The following RBM34 variants were observed in gnomAD, a reference collection of about 807,000 sequenced individuals.
RBM34 encodes the protein RNA binding motif protein 34, also known as RNA-binding protein 34.
RBM34 carries 39 observed loss-of-function variants against 44.6 expected under a neutral mutation model. The observed-to-expected ratio is 0.87, with a 90% CI of 0.68 to 1.14. RBM34 has a LOEUF of 1.14. Ranked by LOEUF, RBM34 falls within the 50% of genes most tolerant of loss-of-function variation. RBM34 has a pLI of 0.00. For synonymous variants in RBM34, 194 were observed against 184.0 expected (o/e 1.05, Z -0.44); for missense variants, 572 against 517.9 (o/e 1.10, Z -1.01).
chr1:235,136,312 G>A (rs1440384714), intron 8 of RBM34, among the ~76,000 whole-genome samples: 1 of 152,172 alleles, frequency 6.6e-6, no homozygotes, highest in Non-Finnish European at 1.5e-5. Flanking sequence ...TAGGGATCAG[G>A]AACGGACTGC....
At chr1:235,154,006 G>A (rs960577043) in intron 4 of RBM34, among the ~76,000 whole-genome samples, 3 of 152,136 alleles carry the variant, frequency 2.0e-5, no homozygotes, top group East Asian at 1.9e-4. Context: ...CAGCACTTTG[G>A]GAGGCCGAGG....
chr1:235,155,842 T>C (rs28816118), intron 3 of RBM34, among the ~76,000 whole-genome samples: 7 of 26,292 alleles, frequency 2.7e-4, no homozygotes, highest in Admixed American at 5.1e-4. Flanking sequence ...TATATATATA[T>C]ATATATATAT....
In RBM34 at chr1:235,134,176, C is replaced by T. The variant is rs374425232; in HGVS notation, c.1008+1476G>A. On this transcript the variant is annotated intron_variant, in intron 10 of 10. Coordinates refer to ENST00000408888, the MANE Select transcript of RBM34 (RefSeq NM_015014.4). The stretch of plus-strand genomic sequence containing the variant: ...TAAATGGTACTACAGGCATGCACCA[C>T]CACGCCCAGCTGATTTTTGTATTTT... 1.5e-3 allele frequency among the ~76,000 whole-genome samples: 224 copies of T among 152,314 alleles called. 1 individual carries two copies. Among genetic ancestry groups the T allele is most frequent in the African/African-American group, 5.2e-3 (218 of 41,570 alleles).
chr1:235,152,195 G>C (rs1414458905), intron 5 of RBM34, among the ~76,000 whole-genome samples: 1 of 151,428 alleles, frequency 6.6e-6, no homozygotes, highest in Non-Finnish European at 1.5e-5. Flanking sequence ...CTTATTTCCT[G>C]CTCCAAAGAA....
intron 10 of RBM34, among the ~76,000 whole-genome samples, chr1:235,132,542 T>A (rs1661252236): frequency 6.6e-6 from 1 of 152,128 alleles, no homozygotes; most frequent in Non-Finnish European, 1.5e-5. Flanking sequence ...CTCTTGACCT[T>A]GTAATCTGCC....
Position 235,160,561 on chromosome 1 carries a change from T to A in RBM34, c.315A>T (p.Lys105Asn). Residue 105 changes from lysine to asparagine, a missense_variant, in exon 3 of 11, where the codon AAA becomes AAT. Coordinates refer to ENST00000408888, the MANE Select transcript of RBM34 (RefSeq NM_015014.4). ...ERPLSQEPAKKVKAKKKHTNA... is the reference protein window; with the variant it reads ...ERPLSQEPAKNVKAKKKHTNA... ...TAGTGTGTTTCTTCTTCGCTTTCAC[T>A]TTTTTGGCAGGTTCTTGCGAAAGTG... 1.2e-6 allele frequency: 2 copies of A among 1,614,058 alleles called. No individual in the cohort carries two copies. Among genetic ancestry groups the A allele is most frequent in the Non-Finnish European group, 8.5e-7 (1 of 1,179,980 alleles).
In RBM34 at chr1:235,146,373, TATAAAA is replaced by T. The variant is rs138785954; in HGVS notation, c.701+2025_701+2030del. 6.3e-3 allele frequency among the ~76,000 whole-genome samples: 954 copies of T among 152,270 alleles called. 10 individuals are homozygous for T. The highest frequency in any genetic ancestry group is 0.022 in the African/African-American group (912 of 41,532). On this transcript the variant is annotated intron_variant, in intron 6 of 10. Transcript: ENST00000408888. ...GAAAAAGGGCATTTTTAAAAAATGC[TATAAAA>T]ATAATCACTTTCACACCAATATAAA...
chr1:235,161,118 A>C, intron 1 of RBM34, 51 bp from the exon 2 acceptor site: 1 of 1,605,222 alleles, frequency 6.2e-7, no homozygotes, highest in Non-Finnish European at 8.5e-7. Context: ...CCGCTTCGCC[A>C]GCACGAGGGA....
chr1:235,153,962 C>T (rs1413935704), intron 4 of RBM34, among the ~76,000 whole-genome samples: 1 of 151,926 alleles, frequency 6.6e-6, no homozygotes, highest in Admixed American at 6.6e-5. Context: ...AGAGACAGAA[C>T]GAGGCTGGGT....
chr1:235,154,821 T>C (rs1662323224), intron 4 of RBM34, 60 bp downstream of exon 4: 3 of 1,337,146 alleles, frequency 2.2e-6, no homozygotes, highest in East Asian at 2.3e-5. Context: ...TGAATGCTTA[T>C]TCAACACAGG....
intron 6 of RBM34, among the ~76,000 whole-genome samples, chr1:235,142,534 C>G (rs895107657): frequency 2.6e-5 from 4 of 152,010 alleles, no homozygotes; most frequent in African/African-American, 4.8e-5. Flanking sequence ...CCACCTTGAC[C>G]TCCCAAAGTA....
intron 5 of RBM34, among the ~76,000 whole-genome samples, chr1:235,151,321 A>C (rs1342869048): frequency 6.6e-6 from 1 of 152,194 alleles, no homozygotes; most frequent in Non-Finnish European, 1.5e-5. Context: ...GATGGAAGTA[A>C]GCAGATATAT....
At chr1:235,159,211 T>TAA (rs1662581830) in intron 3 of RBM34, among the ~76,000 whole-genome samples, 1 of 133,178 alleles carries the variant, frequency 7.5e-6, no homozygotes, top group Admixed American at 7.8e-5. Flanking sequence ...AGACCTTGTC[T>TAA]CAAAAAAAAA....
intron 3 of RBM34, chr1:235,156,509 T>G (rs1572169027): frequency 2.7e-6 from 1 of 368,198 alleles, no homozygotes; most frequent in South Asian, 2.2e-5. Context: ...GGCAGCAGAG[T>G]ACTTACTCTG....
intron 3 of RBM34, among the ~76,000 whole-genome samples, chr1:235,159,671 A>C (rs1234551396): frequency 1.3e-5 from 2 of 151,948 alleles, no homozygotes; most frequent in Non-Finnish European, 2.9e-5. Context: ...GGAGTTCAAG[A>C]CCAACCTGGC....
At chr1:235,137,759 T>A (rs1169392583) in intron 8 of RBM34, 118 bp downstream of exon 8, 2 of 723,386 alleles carry the variant, frequency 2.8e-6, no homozygotes, top group African/African-American at 3.6e-5. Context: ...GGACATAGGC[T>A]GTTTCCTTCT....
chr1:235,157,580 G>A (rs1357832657), intron 3 of RBM34, among the ~76,000 whole-genome samples: 4 of 152,108 alleles, frequency 2.6e-5, no homozygotes, highest in East Asian at 1.9e-4. Flanking sequence ...GAGAGATCAC[G>A]GTGGGCACAA....
intron 6 of RBM34, among the ~76,000 whole-genome samples, chr1:235,140,765 G>A (rs1000361443): frequency 9.2e-5 from 14 of 152,266 alleles, no homozygotes; most frequent in Admixed American, 3.9e-4. Context: ...CCCGAGTCTG[G>A]TGGGGATGTG....
rs1399803281 is a variant in RBM34 at position 235,154,776 on chromosome 1, T to C, written c.597+105A>G. ...ATTCATATTAGGATGATTTATGTAA[T>C]AATTTACAATGAAGTTATATCCATG... On this transcript the variant is annotated intron_variant, in intron 4 of 10. Transcript: ENST00000408888. 3.3e-6 allele frequency: 3 copies of C among 897,172 alleles called. No individual in the cohort carries two copies. The African/African-American group carries it at 5.0e-5, about 15-fold the overall frequency. 55.6% of individuals were successfully genotyped at this position (897,172 alleles called of 1,614,324 possible).
Sources: gnomAD v4.1 joint callset for allele counts (sites outside exome capture counted in the v4.1 genomes callset) on GRCh38, gnomAD v4.1.1 for gene constraint, MANE v1.5 for transcripts, NCBI Gene and HGNC (gene_info 2026-07-23, HGNC 2026-07-21) for gene names.